SETD5: variants seen among roughly 807,000 people sequenced by gnomAD.
The protein encoded by SETD5 is SET domain containing 5.
Under a neutral mutation model 153.3 loss-of-function variants are expected in SETD5, and 44 were observed. That is an observed-to-expected ratio of 0.29 (90% CI 0.23 to 0.37). The LOEUF is 0.37. SETD5 is among the 10% of genes least tolerant of loss of function. SETD5 has a pLI of 1.00. For missense variants in SETD5, 1,544 were observed against 1,768.0 expected (o/e 0.87, Z 2.27); for synonymous variants, 716 against 645.2 (o/e 1.11, Z -1.66).
chr3:9,470,385 C>A, intron 18 of SETD5, 74 bp from the exon 19 acceptor site: 1 of 1,100,442 alleles, frequency 9.1e-7, no homozygotes. Context: ...CTGTGTCCCT[C>A]TCCCCTCCTT....
chr3:9,473,227 C>T lies in SETD5; in HGVS notation c.3196-9C>T, dbSNP rs773335326. The T allele has an allele frequency of 6.2e-7, 1 of 1,603,452 alleles. No homozygotes were observed. Among genetic ancestry groups the T allele is most frequent in the Non-Finnish European group, 8.5e-7 (1 of 1,173,914 alleles). Reference sequence around the variant, plus strand: ...ACCGTTTTTTGTTTGTTTGTTTTTTCCTTTCTAGGTATCCCTGCTGGAGTA... The same window carrying T: ...ACCGTTTTTTGTTTGTTTGTTTTTTTCTTTCTAGGTATCCCTGCTGGAGTA... On this transcript the variant is annotated splice_polypyrimidine_tract_variant and intron_variant, in intron 19 of 22. Transcript: ENST00000402198.
intron 1 of SETD5, among the ~76,000 whole-genome samples, chr3:9,417,198 G>A (rs1575246615): frequency 6.6e-6 from 1 of 152,240 alleles, no homozygotes; most frequent in East Asian, 1.9e-4. Flanking sequence ...CACCCCAGAG[G>A]TAGTGAGACC....
Position 9,445,138 on chromosome 3 carries a change from A to T in SETD5, c.1278A>T (p.Leu426=). The T allele has an allele frequency of 5.0e-6, 8 of 1,614,016 alleles. No individual in the cohort carries two copies. The highest frequency in any genetic ancestry group is 6.8e-6 in the Non-Finnish European group (8 of 1,179,896). ...RNPNATELPL[L]PPPPSLPTIG... The stretch of plus-strand genomic sequence containing the variant: ...CTAATGCTACAGAACTGCCACTCCT[A>T]CCACCTCCTCCAAGCCTACCCACCA... Residue 426 remains leucine (L), a synonymous_variant, in exon 12 of 23, where the codon CTA becomes CTT. Coordinates refer to ENST00000402198, the MANE Select transcript of SETD5 (RefSeq NM_001080517.3).
intron 1 of SETD5, among the ~76,000 whole-genome samples, chr3:9,414,128 GT>G (rs1173357827): frequency 3.9e-5 from 6 of 152,162 alleles, no homozygotes; most frequent in Middle Eastern, 3.2e-3. Flanking sequence ...TGAGGAATGA[GT>G]ATATGTGCTC....
intron 1 of SETD5, among the ~76,000 whole-genome samples, chr3:9,401,434 A>C (rs932255914): frequency 6.6e-6 from 1 of 152,180 alleles, no homozygotes; most frequent in Admixed American, 6.5e-5. Flanking sequence ...GGCCCTTTTC[A>C]TAGAAGGATT....
rs755674899 is a variant in SETD5 at position 9,445,156 on chromosome 3, A to G, written c.1296A>G (p.Leu432=). Residue 432 remains leucine, a synonymous_variant, in exon 12 of 23, where the codon CTA becomes CTG. Transcript: ENST00000402198. The part of the protein sequence containing the change: ...ELPLLPPPPS[L]PTIGAETRRR... ...CACTCCTACCACCTCCTCCAAGCCT[A>G]CCCACCATTGGAGCAGAGACTAGAC... 11 of 1,613,876 alleles carry G rather than the reference A, an allele frequency of 6.8e-6. No homozygotes were observed. The East Asian group carries it at 1.8e-4, about 26-fold the overall frequency.
chr3:9,446,812 T>A (rs1165472119), intron 13 of SETD5, among the ~76,000 whole-genome samples: 1 of 152,142 alleles, frequency 6.6e-6, no homozygotes, highest in Non-Finnish European at 1.5e-5. Context: ...CATATTAAAG[T>A]TTCAAAATAA....
At chr3:9,441,048 C>CA (rs879805286) in intron 8 of SETD5, among the ~76,000 whole-genome samples, 120 of 138,548 alleles carry the variant, frequency 8.7e-4, no homozygotes, top group African/African-American at 1.7e-3. Flanking sequence ...CCTCTCTTTA[C>CA]AAAAAAAAAA....
intron 1 of SETD5, among the ~76,000 whole-genome samples, chr3:9,412,680 G>A (rs767599422): frequency 2.0e-5 from 3 of 151,642 alleles, no homozygotes; most frequent in Non-Finnish European, 2.9e-5. Flanking sequence ...CAAAGCTCTG[G>A]GTTTACAGGC....
intron 8 of SETD5, 60 bp downstream of exon 8, chr3:9,440,758 G>A (rs968187002): frequency 6.5e-7 from 1 of 1,547,386 alleles, no homozygotes; most frequent in Admixed American, 1.9e-5. Context: ...CCCAGGAAGA[G>A]GGTAATGGAT....
intron 18 of SETD5, among the ~76,000 whole-genome samples, chr3:9,466,824 A>G (rs1161748646): frequency 6.6e-6 from 1 of 152,158 alleles, no homozygotes; most frequent in Non-Finnish European, 1.5e-5. Flanking sequence ...CAGGGGTTTG[A>G]GACCAGCCTG....
intron 18 of SETD5, among the ~76,000 whole-genome samples, chr3:9,465,904 T>C (rs765589119): frequency 1.3e-5 from 2 of 152,184 alleles, no homozygotes; most frequent in African/African-American, 4.8e-5. Context: ...TAAGGTATCA[T>C]GAGAGGAATT....
At chr3:9,475,409 G>A (rs2045755952) in intron 22 of SETD5, 74 bp from the exon 23 acceptor site, 23 of 1,526,244 alleles carry the variant, frequency 1.5e-5, no homozygotes, top group South Asian at 6.5e-5. Context: ...AAGAATGTAG[G>A]GTATTATAAA....
At position 9,473,345 on chromosome 3, in the gene SETD5, G is replaced by A. The variant is rs763111545; in HGVS notation, c.3305G>A (p.Gly1102Asp). 1.2e-5 allele frequency: 20 copies of A among 1,613,868 alleles called. No individual in the cohort carries two copies. The highest frequency in any genetic ancestry group is 1.5e-5 in the Non-Finnish European group (18 of 1,179,898). ...AGCAAGTCTGCAGGAGCTGGGCAAG[G>A]CAGCAGTAACTCCGTTTCCGACACT... ...SKSKSAGAGQ[G>D]SSNSVSDTGA... is the part of the protein sequence containing the mutation. The change falls in exon 20 of 23, where the codon GGC becomes GAC. Residue 1102 changes from glycine (G) to aspartate (D), a missense_variant. Transcript: ENST00000402198.
chr3:9,428,781 C>G (rs1419003904), intron 2 of SETD5, 42 bp from the exon 3 acceptor site: 1 of 460,976 alleles, frequency 2.2e-6, no homozygotes, highest in Non-Finnish European at 4.0e-6. Context: ...TATCTGATAA[C>G]TAGGTATTTA....
At chr3:9,457,006 G>A (rs7624636) in intron 17 of SETD5, among the ~76,000 whole-genome samples, 1 of 151,078 alleles carries the variant, frequency 6.6e-6, no homozygotes, top group Non-Finnish European at 1.5e-5. Flanking sequence ...GAGAGGGAGG[G>A]AAGAAAGAAA....
intron 13 of SETD5, 43 bp downstream of exon 13, chr3:9,445,783 T>A (rs967663125): frequency 2.8e-6 from 4 of 1,413,884 alleles, no homozygotes; most frequent in Non-Finnish European, 3.9e-6. Flanking sequence ...TCATTCCTGC[T>A]ACCTCCATCA....
intron 1 of SETD5, among the ~76,000 whole-genome samples, chr3:9,402,636 T>C (rs1468014848): frequency 1.3e-5 from 2 of 152,212 alleles, no homozygotes; most frequent in Non-Finnish European, 2.9e-5. Context: ...CGTTGTGGTA[T>C]AAGGATTCCC....
intron 2 of SETD5, among the ~76,000 whole-genome samples, chr3:9,428,268 AAGAG>A (rs1170441564): frequency 6.6e-6 from 1 of 152,356 alleles, no homozygotes; most frequent in Admixed American, 6.5e-5. Context: ...TAAAAGAAGG[AAGAG>A]AGTGTTCAAT....
Sources: gnomAD v4.1 joint callset for allele counts (sites outside exome capture counted in the v4.1 genomes callset) on GRCh38, gnomAD v4.1.1 for gene constraint, MANE v1.5 for transcripts, NCBI Gene and HGNC (gene_info 2026-07-23, HGNC 2026-07-21) for gene names.